NMB: variants seen among roughly 807,000 people sequenced by gnomAD.
The protein encoded by NMB is neuromedin B.
NMB carries 12 observed loss-of-function variants against 11.7 expected under a neutral mutation model. The ratio of observed to expected loss-of-function variants is 1.03; its 90% CI spans 0.66 to 1.66. NMB has a LOEUF of 1.66. Among genes scored for constraint, NMB ranks in the 40% most tolerant of loss-of-function variants. NMB has a pLI of 0.00. For synonymous variants in NMB, 76 were observed against 72.6 expected (o/e 1.05, Z -0.24); for missense variants, 174 against 157.9 (o/e 1.10, Z -0.55).
Position 84,655,177 on chromosome 15 carries a change from G to A in NMB, c.*197C>T, listed in dbSNP as rs1896756514. 2.8e-6 allele frequency: 4 copies of A among 1,408,618 alleles called. No homozygotes were observed. Among genetic ancestry groups the A allele is most frequent in the Non-Finnish European group, 1.9e-6 (2 of 1,037,310 alleles). 87.3% of individuals were successfully genotyped at this position (1,408,618 alleles called of 1,614,324 possible). A position where few individuals can be genotyped will look rare whatever the true frequency, so the allele number is the denominator to read the frequency against. On this transcript the variant is annotated 3_prime_UTR_variant, in exon 3 of 3. Transcript: ENST00000360476. ...ATTCACCAATTCAACAGGGAAGCAGGAAATACAGCAGGAACATAATCTGTG... is the reference window on the plus strand; with the variant it reads ...ATTCACCAATTCAACAGGGAAGCAGAAAATACAGCAGGAACATAATCTGTG...
chr15:84,656,618 T>C (rs1896786153), intron 2 of NMB, among the ~76,000 whole-genome samples: 1 of 151,230 alleles, frequency 6.6e-6, no homozygotes, highest in African/African-American at 2.4e-5. Flanking sequence ...GCCTAGAACG[T>C]CAAATGTACT....
At chr15:84,657,089 C>G in intron 2 of NMB, 87 bp downstream of exon 2, 3 of 1,262,828 alleles carry the variant, frequency 2.4e-6, no homozygotes, top group Non-Finnish European at 1.1e-6. Flanking sequence ...CACCCTAATA[C>G]AGTACTGGGT....
Position 84,658,170 on chromosome 15 carries a change from G to A in NMB, c.-18C>T. 1 of 1,437,810 alleles carries A rather than the reference G, an allele frequency of 7.0e-7. No homozygotes were observed. The highest frequency in any genetic ancestry group is 9.0e-7 in the Non-Finnish European group (1 of 1,109,644). 89.1% of individuals were successfully genotyped at this position (1,437,810 alleles called of 1,614,324 possible). On this transcript the variant is annotated 5_prime_UTR_variant, in exon 1 of 3. Transcript: ENST00000360476. ...CGGGCCATGGCTGTGCCCGGGCCGC[G>A]GCTTCGTTCGGGCGCGCTTCCCGGC...
In NMB at chr15:84,655,223, G is replaced by C. The variant is rs1896757939; in HGVS notation, c.*151C>G. The C allele has an allele frequency of 6.5e-7, 1 of 1,540,366 alleles. No individual in the cohort carries two copies. The highest frequency in any genetic ancestry group is 2.3e-5 in the East Asian group (1 of 43,848). On this transcript the variant is annotated 3_prime_UTR_variant, in exon 3 of 3. Transcript: ENST00000360476. ...CTGTGTCTGCATCAGCGATATTTCTGGTGACCCAGCCAGAAATCACAGTAA... is the reference window on the plus strand; with the variant it reads ...CTGTGTCTGCATCAGCGATATTTCTCGTGACCCAGCCAGAAATCACAGTAA...
chr15:84,658,077 G>C lies in NMB; in HGVS notation c.76C>G (p.Pro26Ala). 6.3e-7 allele frequency: 1 copy of C among 1,583,506 alleles called. No individual in the cohort carries two copies. The change falls in exon 1 of 3, where the codon CCG (proline) becomes GCG (alanine). Residue 26 changes from proline to alanine, a missense_variant. Pro to Ala is a conservative substitution (Grantham distance 27). Transcript: ENST00000360476. ...GGCTCCGGGAGATCCCAGCTGAGCG[G>C]GGCGACGCCGGCAGCGAGCAGGGCG... ...LFALLAAGVA[P>A]LSWDLPEPRS...
intron 2 of NMB, among the ~76,000 whole-genome samples, chr15:84,656,512 G>A (rs560081848): frequency 6.8e-4 from 102 of 149,666 alleles, no homozygotes; most frequent in African/African-American, 2.3e-3. Flanking sequence ...CTTGATGGGG[G>A]GGAAAGATGC....
In NMB at chr15:84,656,132, T is replaced by TA. The variant is rs1346695067; in HGVS notation, c.331-724dup. On this transcript the variant is annotated intron_variant, in intron 2 of 2. Transcript: ENST00000360476. ...GTCTCATTTAATGGGAGATGGGCCTTATTATCTTCATTTTATGGGTGAAGA... is the reference window on the plus strand; with the variant it reads ...GTCTCATTTAATGGGAGATGGGCCTTAATTATCTTCATTTTATGGGTGAAGA... Among the ~76,000 whole-genome samples the TA allele has an allele frequency of 2.0e-5, 3 of 152,344 alleles. No homozygotes were observed. In the East Asian group the frequency reaches 5.8e-4, roughly 29 times the overall value.
In NMB at chr15:84,657,588, G is replaced by A. The variant is rs146049518; in HGVS notation, c.158-240C>T. Among the ~76,000 whole-genome samples the A allele has an allele frequency of 1.8e-4, 27 of 152,316 alleles. No homozygotes were observed. In the Middle Eastern group the frequency reaches 0.01, roughly 58 times the overall value. ...GCACAGCTGGCAGGAAGGTGGGATG[G>A]TCCAGGGCCAGGGAGAAACTCTGCT... On this transcript the variant is annotated intron_variant, in intron 1 of 2. Transcript: ENST00000360476.
Position 84,657,354 on chromosome 15 carries a change from AAGG to A in NMB, c.158-9_158-7del. On this transcript the variant is annotated splice_polypyrimidine_tract_variant and splice_region_variant and intron_variant, in intron 1 of 2. Transcript: ENST00000360476. Reference sequence around the variant, plus strand: ...CTTCTTGCCCATGAAGTGACCTGGAAAGGAGGTGTCCAGGCACAAGGAAGTCAA... The same window carrying A: ...CTTCTTGCCCATGAAGTGACCTGGAAAGGTGTCCAGGCACAAGGAAGTCAA... 3 of 1,491,430 alleles carry A rather than the reference AAGG, an allele frequency of 2.0e-6. No homozygotes were observed. The highest frequency in any genetic ancestry group is 2.7e-6 in the Non-Finnish European group (3 of 1,119,484). The allele number at this position is 1,491,430 out of a possible 1,614,324, so 92.4% of individuals were successfully genotyped here. A position where few individuals can be genotyped will look rare whatever the true frequency, so the allele number is the denominator to read the frequency against.
chr15:84,655,908 T>C (rs1896773955), intron 2 of NMB, among the ~76,000 whole-genome samples: 2 of 152,126 alleles, frequency 1.3e-5, no homozygotes, highest in African/African-American at 4.8e-5. Context: ...AAGTCAGGGA[T>C]GTTGGTTGAG....
At chr15:84,657,961 A>G (rs1309567123) in intron 1 of NMB, 35 bp downstream of exon 1, 3 of 1,572,930 alleles carry the variant, frequency 1.9e-6, no homozygotes, top group East Asian at 5.0e-5. Flanking sequence ...GAACTGGATG[A>G]GGGGCGCTTG....
intron 1 of NMB, 97 bp from the exon 2 acceptor site, chr15:84,657,445 CG>C: frequency 8.5e-7 from 1 of 1,170,344 alleles, no homozygotes; most frequent in South Asian, 1.9e-5. Context: ...GTTCTTGTAG[CG>C]GGAAGACACT....
At chr15:84,655,695 C>A (rs187335608) in intron 2 of NMB, among the ~76,000 whole-genome samples, 8 of 152,198 alleles carry the variant, frequency 5.3e-5, no homozygotes, top group East Asian at 3.8e-4. Flanking sequence ...CTCACTCCCC[C>A]ACCCCAGCTC....
At chr15:84,657,679 G>A (rs1024830347) in intron 1 of NMB, among the ~76,000 whole-genome samples, 11 of 152,118 alleles carry the variant, frequency 7.2e-5, no homozygotes, top group African/African-American at 2.4e-4. Context: ...GTGAAGAGGC[G>A]CCTGGAAAGT....
chr15:84,657,920 C>T, intron 1 of NMB, 76 bp downstream of exon 1: 24 of 1,474,200 alleles, frequency 1.6e-5, no homozygotes, highest in Admixed American at 2.3e-5. Context: ...GGCTGAGGAG[C>T]GGCCAGAGGG....
rs746299945 is a variant in NMB at position 84,657,195 on chromosome 15, C to G, written c.311G>C (p.Arg104Pro). 1 of 1,611,604 alleles carries G rather than the reference C, an allele frequency of 6.2e-7. No homozygotes were observed. The highest frequency in any genetic ancestry group is 1.7e-5 in the Admixed American group (1 of 59,564). The part of the protein sequence containing the change: ...LKKALGVSLS[R>P]PAPQIQYRRL... Reference sequence around the variant, plus strand: ...GCTCACCTGGATTTGGGGTGCGGGGCGGCTGAGGCTCACGCCCAGAGCCTT... The same window carrying G: ...GCTCACCTGGATTTGGGGTGCGGGGGGGCTGAGGCTCACGCCCAGAGCCTT... The change falls in exon 2 of 3, where the codon CGC (arginine) becomes CCC (proline). Residue 104 changes from arginine (R) to proline (P), a missense_variant. Transcript: ENST00000360476.
At position 84,655,229 on chromosome 15, in the gene NMB, C is replaced by T; in HGVS notation, c.*145G>A. ...CTGCATCAGCGATATTTCTGGTGAC[C>T]CAGCCAGAAATCACAGTAATGGAGT... On this transcript the variant is annotated 3_prime_UTR_variant, in exon 3 of 3. Transcript: ENST00000360476. 1 of 1,541,828 alleles carries T rather than the reference C, an allele frequency of 6.5e-7. No homozygotes were observed. Among genetic ancestry groups the T allele is most frequent in the South Asian group, 1.2e-5 (1 of 80,168 alleles).
intron 2 of NMB, among the ~76,000 whole-genome samples, chr15:84,656,207 A>G (rs544409014): frequency 9.2e-5 from 14 of 152,260 alleles, no homozygotes; most frequent in Admixed American, 2.6e-4. Context: ...TCATACAGCT[A>G]CTAAGTAGCT....
At chr15:84,656,976 C>T (rs1420313982) in intron 2 of NMB, among the ~76,000 whole-genome samples, 200 bp downstream of exon 2, 1 of 152,190 alleles carries the variant, frequency 6.6e-6, no homozygotes, top group Non-Finnish European at 1.5e-5. Flanking sequence ...GGTCAGCTTC[C>T]TTTCTTTGGA....
Sources: gnomAD v4.1 joint callset for allele counts (sites outside exome capture counted in the v4.1 genomes callset) on GRCh38, gnomAD v4.1.1 for gene constraint, MANE v1.5 for transcripts, NCBI Gene and HGNC (gene_info 2026-07-23, HGNC 2026-07-21) for gene names.